The following C2CD3 variants were observed in gnomAD, a reference collection of about 807,000 sequenced individuals.
C2CD3 encodes the protein C2 domain-containing protein 3.
A neutral mutation model predicts 234.0 loss-of-function variants in C2CD3; 148 were observed. The ratio of observed to expected loss-of-function variants is 0.63; its 90% confidence interval spans 0.55 to 0.72. C2CD3 has a LOEUF of 0.72. Among genes scored for constraint, C2CD3 ranks in the 30% least tolerant of loss-of-function variants. The pLI is 0.00. For missense variants in C2CD3, 2,577 were observed against 2,811.5 expected, an observed-to-expected ratio of 0.92 and a Z score of 1.89; for synonymous variants, 1,000 against 1,035.4, an observed-to-expected ratio of 0.97 and a Z score of 0.66.
chr11:74,077,561 T>C (rs1230187288), intron 23 of C2CD3, among the ~76,000 whole-genome samples: 1 of 150,848 alleles, frequency 6.6e-6, no homozygotes, highest in African/African-American at 2.4e-5. Flanking sequence ...TTCTCACTCA[T>C]AAGTGGGAGG....
At position 74,092,775 on chromosome 11, in the gene C2CD3, C is replaced by CCT. The variant is rs10647942; in HGVS notation, c.3345-188_3345-187insAG. Among the ~76,000 whole-genome samples, 27,257 of 151,952 alleles carry CCT rather than the reference C, an allele frequency of 0.18. 2,614 individuals are homozygous for CCT. The highest frequency in any genetic ancestry group is 0.3 in the East Asian group (1,528 of 5,150). ...GGAGGAGGAACTCCATAAATTATAC[C>CCT]GAGTTCAGGACAAAGCCTAGCTTCC... On this transcript the variant is annotated intron_variant, in intron 18 of 32. Coordinates refer to ENST00000334126, the MANE Select transcript of C2CD3 (RefSeq NM_001286577.2).
At chr11:74,028,490 A>C in intron 31 of C2CD3, 92 bp from the exon 32 acceptor site, 5 of 756,632 alleles carry the variant, frequency 6.6e-6, no homozygotes, top group Non-Finnish European at 1.0e-5. Flanking sequence ...CTCTGCCCCC[A>C]CTCATGTTTT....
At chr11:74,045,287 C>T (rs981127157) in intron 28 of C2CD3, among the ~76,000 whole-genome samples, 1 of 152,230 alleles carries the variant, frequency 6.6e-6, no homozygotes, top group African/African-American at 2.4e-5. Context: ...TTTCTATCCT[C>T]ATTCCAGTAC....
chr11:74,170,715 C>T, intron 1 of C2CD3, 23 bp downstream of exon 1: 1 of 1,614,170 alleles, frequency 6.2e-7, no homozygotes, highest in Non-Finnish European at 8.5e-7. Context: ...ACGCTTTCCT[C>T]AATCTTTGAT....
chr11:74,106,518 T>A (rs1251550332), intron 12 of C2CD3, 25 bp from the exon 13 acceptor site: 1 of 1,608,308 alleles, frequency 6.2e-7, no homozygotes. Context: ...AAGAGAACAT[T>A]TAGATTAATT....
chr11:74,086,496 G>C (rs1008073904), intron 20 of C2CD3, among the ~76,000 whole-genome samples: 3 of 152,224 alleles, frequency 2.0e-5, no homozygotes, highest in Non-Finnish European at 4.4e-5. Flanking sequence ...TCTGTGCTTA[G>C]ACATGATGAT....
chr11:74,033,543 T>G lies in C2CD3; in HGVS notation c.6617A>C (p.Glu2206Ala). ...QTDQNKEPKS[E>A]APAENEAATS... ...GGCAGCTTCATTCTCAGCTGGGGCC[T>G]CTGACTTGGGCTCCTTGTTCTGATC... The change falls in exon 31 of 33, where the codon GAG (glutamate) becomes GCG (alanine). Residue 2206 changes from glutamate (E) to alanine (A), a missense_variant. Coordinates refer to ENST00000334126, the MANE Select transcript of C2CD3 (RefSeq NM_001286577.2). The G allele has an allele frequency of 6.5e-7, 1 of 1,536,206 alleles. No homozygotes were observed.
chr11:74,151,068 G>C (rs1476779609), intron 3 of C2CD3, among the ~76,000 whole-genome samples: 1 of 151,912 alleles, frequency 6.6e-6, no homozygotes, highest in African/African-American at 2.4e-5. Flanking sequence ...TAGGATTATA[G>C]ACGCCCACCA....
chr11:74,092,030 A>G (rs1029803865), intron 19 of C2CD3, among the ~76,000 whole-genome samples: 1 of 151,222 alleles, frequency 6.6e-6, no homozygotes, highest in African/African-American at 2.4e-5. Context: ...TTATATATAT[A>G]TATGTGTGTG....
chr11:74,126,670 G>T (rs1404317395), intron 7 of C2CD3, among the ~76,000 whole-genome samples: 1 of 152,160 alleles, frequency 6.6e-6, no homozygotes, highest in Non-Finnish European at 1.5e-5. Context: ...CTTGAACCCA[G>T]AAAGTGGAGG....
intron 32 of C2CD3, among the ~76,000 whole-genome samples, chr11:74,022,595 A>G (rs1256801803): frequency 2.0e-5 from 3 of 152,216 alleles, no homozygotes. Context: ...GAGGAAGACA[A>G]CATGTAAAGC....
At chr11:74,024,989 C>T (rs563684604) in intron 32 of C2CD3, among the ~76,000 whole-genome samples, 1 of 152,130 alleles carries the variant, frequency 6.6e-6, no homozygotes, top group South Asian at 2.1e-4. Context: ...CTGAGAGCAG[C>T]AAACAATGGA....
chr11:74,112,317 G>A (rs953058097), intron 11 of C2CD3, among the ~76,000 whole-genome samples: 6 of 152,040 alleles, frequency 3.9e-5, no homozygotes, highest in East Asian at 1.9e-4. Flanking sequence ...TATTAGAAAA[G>A]TGGCTGTAAT....
At position 74,034,059 on chromosome 11, in the gene C2CD3, A is replaced by C; in HGVS notation, c.6101T>G (p.Leu2034Arg). The change falls in exon 31 of 33, where the codon CTC (leucine) becomes CGC (arginine). Residue 2034 changes from leucine to arginine, a missense_variant. Transcript: ENST00000334126. ...TACTGCATGCCTCAGGGACTCATGG[A>C]GCATTCTTCCTCCATTTGAAGTCTC... ...LEETSNGGRM[L>R]HESLRHAVPI... The C allele has an allele frequency of 6.5e-7, 1 of 1,536,290 alleles. No homozygotes were observed. The highest frequency in any genetic ancestry group is 1.7e-4 in the Middle Eastern group (1 of 5,990).
chr11:74,107,406 G>A (rs1455171209), intron 12 of C2CD3, among the ~76,000 whole-genome samples: 1 of 151,610 alleles, frequency 6.6e-6, no homozygotes, highest in African/African-American at 2.4e-5. Flanking sequence ...TATGTTAAAA[G>A]TAGTTAACAA....
In C2CD3 at chr11:74,112,476, A is replaced by G. The variant is rs926017784; in HGVS notation, c.1843+1304T>C. Among the ~76,000 whole-genome samples the G allele has an allele frequency of 1.3e-5, 2 of 152,146 alleles. 1 individual carries two copies. Among genetic ancestry groups the G allele is most frequent in the South Asian group, 4.1e-4 (2 of 4,832 alleles). On this transcript the variant is annotated intron_variant, in intron 11 of 32. Transcript: ENST00000334126. ...AAACTAGAGTACATAAAAATTAAAAACTTTTGTGCTGTAAACAATACCATC... is the reference window on the plus strand; with the variant it reads ...AAACTAGAGTACATAAAAATTAAAAGCTTTTGTGCTGTAAACAATACCATC...
intron 3 of C2CD3, among the ~76,000 whole-genome samples, chr11:74,160,024 C>T (rs1322743806): frequency 1.3e-5 from 2 of 151,704 alleles, no homozygotes; most frequent in Admixed American, 1.3e-4. Context: ...AAATTCTTAC[C>T]ATTGTGTTAT....
chr11:74,045,592 G>A (rs1953331526), intron 28 of C2CD3, among the ~76,000 whole-genome samples: 1 of 150,218 alleles, frequency 6.7e-6, no homozygotes, highest in South Asian at 2.1e-4. Context: ...TTTTTTGGCA[G>A]ACAGGGTCTT....
At chr11:74,116,903 C>T (rs868334148) in intron 9 of C2CD3, among the ~76,000 whole-genome samples, 2 of 102,876 alleles carry the variant, frequency 1.9e-5, no homozygotes, top group Non-Finnish European at 2.0e-5. Flanking sequence ...TATATACACA[C>T]GTGTATGTAT....
Sources: allele counts gnomAD v4.1 joint callset (sites outside exome capture counted in the v4.1 genomes callset), GRCh38; gene constraint gnomAD v4.1.1; transcripts MANE v1.5; gene names NCBI Gene and HGNC (gene_info 2026-07-23, HGNC 2026-07-21).